SLC11A2: variants seen among roughly 807,000 people sequenced by gnomAD.
SLC11A2 encodes the protein solute carrier family 11 member 2.
A neutral mutation model predicts 68.0 loss-of-function variants in SLC11A2; 38 were observed. That is an observed-to-expected ratio of 0.56 (90% confidence interval 0.43 to 0.73). The LOEUF is 0.73. Among genes scored for constraint, SLC11A2 ranks in the 30% least tolerant of loss-of-function variants. SLC11A2 has a pLI of 0.00. For missense variants in SLC11A2, 517 were observed against 690.5 expected (o/e 0.75, Z 2.82); for synonymous variants, 242 against 250.6 (o/e 0.97, Z 0.32).
rs1453124934 is a variant in SLC11A2, at chr12:50,987,932, A to C, written c.*393T>G. 7.8e-7 allele frequency: 1 copy of C among 1,280,074 alleles called. No homozygotes were observed. The highest frequency in any genetic ancestry group is 5.5e-5 in the East Asian group (1 of 18,094). The allele number at this position is 1,280,074 out of a possible 1,614,324, so 79.3% of individuals were successfully genotyped here. On this transcript the variant is annotated 3_prime_UTR_variant, in exon 16 of 16. Transcript: ENST00000262052. ...TTACATTTTGATAAATAAAACTTGC[A>C]TACTCATTCTGTAGTTTGTATAATA...
downstream of SLC11A2, chr12:50,979,692 C>A (rs1305024947): frequency 4.2e-5 from 16 of 377,922 alleles, no homozygotes; most frequent in South Asian, 3.1e-4. Flanking sequence ...TTTCAAGAGG[C>A]CCTGAAGTAG....
intron 1 of SLC11A2, among the ~76,000 whole-genome samples, chr12:51,015,953 T>C: frequency 6.6e-6 from 1 of 152,154 alleles, no homozygotes; most frequent in African/African-American, 2.4e-5. Flanking sequence ...CCCGGCTAAT[T>C]TTTGTATTTT....
chr12:50,999,227 C>T lies in SLC11A2; in HGVS notation c.622G>A (p.Glu208Lys). Residue 208 changes from glutamate (E) to lysine (K), a missense_variant, in exon 8 of 16, where the codon GAA becomes AAA. Physicochemically the swap from Glu to Lys is moderately conservative, Grantham distance 56. Coordinates refer to ENST00000262052, the MANE Select transcript of SLC11A2 (RefSeq NM_000617.3). ...GTGATGAGAAAGCCAAAAAATGCTT[C>T]TAGCTTCCGCAAGCCTAAAGGAAAA... is the stretch of plus-strand genomic sequence containing the variant. ...FLDKYGLRKLEAFFGFLITIM... is the reference protein window; with the variant it reads ...FLDKYGLRKLKAFFGFLITIM... 6.2e-7 allele frequency: 1 copy of T among 1,614,126 alleles called. No individual in the cohort carries two copies. Among genetic ancestry groups the T allele is most frequent in the Non-Finnish European group, 8.5e-7 (1 of 1,180,012 alleles).
chr12:50,992,683 G>C (rs1941279109), intron 12 of SLC11A2, 127 bp downstream of exon 12: 1 of 987,154 alleles, frequency 1.0e-6, no homozygotes, highest in African/African-American at 1.7e-5. Context: ...AGTGAGCCGA[G>C]ATCATGCCAT....
rs769742722 is a variant in SLC11A2 at position 50,995,687 on chromosome 12, T to C, written c.932A>G (p.Asn311Ser). 111 of 1,614,006 alleles carry C rather than the reference T, an allele frequency of 6.9e-5. No homozygotes were observed. The highest frequency in any genetic ancestry group is 8.6e-5 in the Non-Finnish European group (102 of 1,180,004). Residue 311 changes from asparagine to serine, a missense_variant, in exon 10 of 16, where the codon AAT becomes AGT. Transcript: ENST00000262052. ...CIALFVSFII[N>S]VFVVSVFAEA... Reference sequence around the variant, plus strand: ...AGCAAAGACTGAGACAACAAAGACATTGATGATGAAGGAAACAAAGAGTGC... The same window carrying C: ...AGCAAAGACTGAGACAACAAAGACACTGATGATGAAGGAAACAAAGAGTGC...
At chr12:51,010,109 G>A (rs965180881) in intron 2 of SLC11A2, among the ~76,000 whole-genome samples, 17 of 152,052 alleles carry the variant, frequency 1.1e-4, no homozygotes, top group African/African-American at 4.1e-4. Flanking sequence ...CATTGAACCG[G>A]GGAGGCGGAG....
Position 50,987,279 on chromosome 12 carries a change from C to T in SLC11A2, c.*1046G>A. The T allele has an allele frequency of 7.8e-7, 1 of 1,287,186 alleles. No individual in the cohort carries two copies. Among genetic ancestry groups the T allele is most frequent in the South Asian group, 1.2e-5 (1 of 80,936 alleles). 79.7% of individuals were successfully genotyped at this position (1,287,186 alleles called of 1,614,324 possible). A position where few individuals can be genotyped will look rare whatever the true frequency, so the allele number is the denominator to read the frequency against. ...GACTTGCAGAGAACGCTGAGAAAGACAGTGTGCTTTGCAACGGTTAAGTCC... is the reference window on the plus strand; with the variant it reads ...GACTTGCAGAGAACGCTGAGAAAGATAGTGTGCTTTGCAACGGTTAAGTCC... On this transcript the variant is annotated 3_prime_UTR_variant, in exon 16 of 16. Coordinates refer to ENST00000262052, the MANE Select transcript of SLC11A2 (RefSeq NM_000617.3).
chr12:50,982,943 A>AAAAAAAC (rs1175552458), downstream of SLC11A2, among the ~76,000 whole-genome samples: 4 of 151,472 alleles, frequency 2.6e-5, no homozygotes, highest in African/African-American at 9.7e-5. Context: ...TCCGTCAAAA[A>AAAAAAAC]AAAAAAAAAA....
chr12:51,027,904 G>T (rs1944451065), upstream of SLC11A2, among the ~76,000 whole-genome samples: 2 of 51,090 alleles, frequency 3.9e-5, no homozygotes, highest in East Asian at 6.4e-4. Context: ...CAAACTCGGG[G>T]ACCAAAAAAA....
At chr12:50,976,278 A>G (rs1237258969), downstream of SLC11A2, among the ~76,000 whole-genome samples, 6 of 152,376 alleles carry the variant, frequency 3.9e-5, no homozygotes, top group South Asian at 2.1e-4. Context: ...GCAGCACATC[A>G]AAAAGCTTAT....
At chr12:50,991,184 G>C (rs138869265) in intron 14 of SLC11A2, among the ~76,000 whole-genome samples, 173 of 152,278 alleles carry the variant, frequency 1.1e-3, no homozygotes, top group African/African-American at 4.0e-3. Context: ...TAAGTCCCTA[G>C]AGATGCAACA....
At chr12:50,993,093 A>C in intron 11 of SLC11A2, 164 bp from the exon 12 acceptor site, 16 of 736,850 alleles carry the variant, frequency 2.2e-5, no homozygotes, top group Non-Finnish European at 3.2e-5. Context: ...TCTGGACCTC[A>C]TTCCAGAAGC....
chr12:51,005,199 A>G, intron 4 of SLC11A2, 112 bp downstream of exon 4: 1 of 1,176,378 alleles, frequency 8.5e-7, no homozygotes, highest in Admixed American at 1.7e-5. Flanking sequence ...GCCACTGCCA[A>G]TGAAGTATCT....
At chr12:51,017,999 G>C (rs1943779376) in intron 1 of SLC11A2, among the ~76,000 whole-genome samples, 1 of 152,100 alleles carries the variant, frequency 6.6e-6, no homozygotes, top group African/African-American at 2.4e-5. Flanking sequence ...ACACATACTA[G>C]CTATAATAAA....
intron 5 of SLC11A2, 120 bp downstream of exon 5, chr12:51,004,668 C>G: frequency 1.9e-6 from 2 of 1,062,934 alleles, no homozygotes; most frequent in Admixed American, 3.8e-5. Context: ...CGTCTGTCTT[C>G]AGGGCCACTG....
At chr12:51,009,693 C>A (rs921905822) in intron 2 of SLC11A2, among the ~76,000 whole-genome samples, 1 of 152,128 alleles carries the variant, frequency 6.6e-6, no homozygotes, top group Non-Finnish European at 1.5e-5. Context: ...AAGGTACTCG[C>A]CCTGTATTTT....
chr12:51,008,153 T>C (rs920293744), intron 3 of SLC11A2: 3 of 249,062 alleles, frequency 1.2e-5, no homozygotes, highest in African/African-American at 6.8e-5. Context: ...TACAGTGGGC[T>C]ATGGTTGTGC....
At chr12:50,952,664 T>A in the SLC11A2 span, among the ~76,000 whole-genome samples, 2 of 152,070 alleles carry the variant, frequency 1.3e-5, no homozygotes, top group Non-Finnish European at 2.9e-5. Flanking sequence ...CCTGGGCGCG[T>A]GTGCAGCTCG....
chr12:50,984,319 C>A (rs1473247039), downstream of SLC11A2, among the ~76,000 whole-genome samples: 1 of 152,120 alleles, frequency 6.6e-6, no homozygotes, highest in African/African-American at 2.4e-5. Flanking sequence ...TAGGAAAACA[C>A]TGTATTACAC....
Sources: gnomAD v4.1 joint callset for allele counts (sites outside exome capture counted in the v4.1 genomes callset) on GRCh38, gnomAD v4.1.1 for gene constraint, MANE v1.5 for transcripts, NCBI Gene and HGNC (gene_info 2026-07-23, HGNC 2026-07-21) for gene names.